The following LDB3 variants were observed in gnomAD, a reference collection of about 807,000 sequenced individuals.
LDB3 encodes the protein LIM domain binding 3, also known as LIM domain-binding protein 3.
In LDB3, 49 loss-of-function variants were observed where a neutral mutation model predicts 69.0. The ratio of observed to expected loss-of-function variants is 0.71; its 90% CI spans 0.56 to 0.90. LDB3 has a LOEUF of 0.90. Ranked by LOEUF, LDB3 falls within the 40% of genes least tolerant of loss-of-function variation. The pLI, the probability that LDB3 is intolerant of heterozygous loss-of-function variation, is 0.00. For missense variants in LDB3, 928 were observed against 974.1 expected, an observed-to-expected ratio of 0.95 and a Z score of 0.63; for synonymous variants, 387 against 396.2, an observed-to-expected ratio of 0.98 and a Z score of 0.28.
At chr10:86,684,514 G>A (rs577807704) in intron 5 of LDB3, among the ~76,000 whole-genome samples, 18 of 152,382 alleles carry the variant, frequency 1.2e-4, no homozygotes, top group Middle Eastern at 3.4e-3. Context: ...ATGGAGCTCC[G>A]TGCTGGCCCT....
chr10:86,684,566 G>A (rs1845356103), intron 5 of LDB3, among the ~76,000 whole-genome samples: 1 of 152,260 alleles, frequency 6.6e-6, no homozygotes, highest in African/African-American at 2.4e-5. Flanking sequence ...GAGCCTGGGA[G>A]GATAGAGGGA....
At chr10:86,671,051 A>AC (rs1274320070) in intron 2 of LDB3, among the ~76,000 whole-genome samples, 3 of 152,022 alleles carry the variant, frequency 2.0e-5, no homozygotes, top group Non-Finnish European at 4.4e-5. Flanking sequence ...CTCTGGAGGA[A>AC]CCCCACTCCC....
At chr10:86,684,909 C>T (rs1381511448) in intron 5 of LDB3, among the ~76,000 whole-genome samples, 3 of 152,216 alleles carry the variant, frequency 2.0e-5, no homozygotes, top group Admixed American at 2.0e-4. Flanking sequence ...AGAGACCATG[C>T]TCTGGGAGGC....
rs369470035 is a variant in LDB3, at chr10:86,685,689, C to G, written c.689+3886C>G. ...CTTTTCCTCCCCAGGTGGTAGTCAA[C>G]TCTCCAGCCAAGTTAGTATCAAAGG... On this transcript the variant is annotated intron_variant, in intron 5 of 13. Coordinates refer to ENST00000361373, the MANE Select transcript of LDB3 (RefSeq NM_007078.3). 1.5e-5 allele frequency: 24 copies of G among 1,614,084 alleles called. No homozygotes were observed. The highest frequency in any genetic ancestry group is 2.0e-5 in the Non-Finnish European group (24 of 1,180,034).
intron 7 of LDB3, among the ~76,000 whole-genome samples, chr10:86,698,097 T>A (rs749012986): frequency 2.6e-5 from 4 of 152,094 alleles, no homozygotes; most frequent in Non-Finnish European, 4.4e-5. Context: ...CCCACCCACC[T>A]CCTTAACCTC....
chr10:86,692,135 G>A lies in LDB3; in HGVS notation c.859+70G>A, dbSNP rs1845795054. ...AGGGGCCACCAGGGACCTGGGCCCA[G>A]CACTGCAGAAGCCAGGGAGTCCTGC... On this transcript the variant is annotated intron_variant, in intron 6 of 13. Coordinates refer to ENST00000361373, the MANE Select transcript of LDB3 (RefSeq NM_007078.3). 1.3e-5 allele frequency: 21 copies of A among 1,566,818 alleles called. No individual in the cohort carries two copies. The East Asian group carries it at 4.8e-4, about 36-fold the overall frequency.
chr10:86,685,236 G>A (rs940012956), intron 5 of LDB3, among the ~76,000 whole-genome samples: 2 of 152,212 alleles, frequency 1.3e-5, no homozygotes, highest in Non-Finnish European at 2.9e-5. Context: ...CCACAAAACA[G>A]ACTCTTAGTC....
chr10:86,704,006 C>T (rs367692569), intron 7 of LDB3, among the ~76,000 whole-genome samples: 3 of 151,970 alleles, frequency 2.0e-5, no homozygotes, highest in East Asian at 1.9e-4. Context: ...CACAGCTACT[C>T]GGGAGGCTGG....
chr10:86,680,491 C>A (rs938979471), intron 4 of LDB3, among the ~76,000 whole-genome samples: 2 of 152,214 alleles, frequency 1.3e-5, no homozygotes, highest in South Asian at 4.1e-4. Context: ...AGGGGACGAG[C>A]GTCCAGGCTC....
At chr10:86,709,184 C>G (rs1368715468) in intron 8 of LDB3, among the ~76,000 whole-genome samples, 23 of 152,214 alleles carry the variant, frequency 1.5e-4, no homozygotes, top group Admixed American at 1.4e-3. Context: ...GTTCTCAGAG[C>G]CTTCAGCTCT....
chr10:86,700,618 C>T (rs1352022938), intron 7 of LDB3, among the ~76,000 whole-genome samples: 1 of 152,180 alleles, frequency 6.6e-6, no homozygotes, highest in African/African-American at 2.4e-5. Flanking sequence ...GGAAGGCTTC[C>T]ACCTGGGTCT....
At chr10:86,701,254 G>C (rs1279649429) in intron 7 of LDB3, among the ~76,000 whole-genome samples, 1 of 152,222 alleles carries the variant, frequency 6.6e-6, no homozygotes, top group East Asian at 1.9e-4. Context: ...CCAAGGGTGG[G>C]TTGGGGGCAG....
At chr10:86,676,391 C>G (rs1345187125) in intron 2 of LDB3, among the ~76,000 whole-genome samples, 1 of 151,944 alleles carries the variant, frequency 6.6e-6, no homozygotes, top group Non-Finnish European at 1.5e-5. Flanking sequence ...GGTAAAACCC[C>G]CTTTCTACTA....
At chr10:86,728,885 A>G (rs1031352216) in intron 13 of LDB3, among the ~76,000 whole-genome samples, 3 of 151,442 alleles carry the variant, frequency 2.0e-5, no homozygotes, top group Admixed American at 6.6e-5. Flanking sequence ...CAGCCGGAAC[A>G]TGGTCTTAAC....
chr10:86,709,838 C>T, intron 8 of LDB3, 67 bp from the exon 9 acceptor site: 1 of 1,580,422 alleles, frequency 6.3e-7, no homozygotes, highest in South Asian at 1.1e-5. Context: ...GGGAGCCAGC[C>T]TGCCTTGACT....
At chr10:86,710,148 G>A (rs1037138576) in intron 9 of LDB3, 98 bp downstream of exon 9, 74 of 1,554,382 alleles carry the variant, frequency 4.8e-5, no homozygotes, top group Non-Finnish European at 6.2e-5. Flanking sequence ...ATCCCCAGAA[G>A]AATGGGAAGC....
intron 2 of LDB3, among the ~76,000 whole-genome samples, chr10:86,676,653 G>A (rs2132349977): frequency 6.6e-6 from 1 of 152,258 alleles, no homozygotes; most frequent in East Asian, 1.9e-4. Context: ...ATTGGAGAGG[G>A]CTGTCCTGGT....
At chr10:86,686,311 G>A (rs887418138) in intron 5 of LDB3, among the ~76,000 whole-genome samples, 1 of 152,188 alleles carries the variant, frequency 6.6e-6, no homozygotes, top group African/African-American at 2.4e-5. Flanking sequence ...AATCCCTGCG[G>A]GTGCCAGTGG....
At chr10:86,718,941 C>A in intron 12 of LDB3, 94 bp downstream of exon 12, 2 of 1,519,578 alleles carry the variant, frequency 1.3e-6, no homozygotes, top group South Asian at 1.2e-5. Flanking sequence ...CATTCACATC[C>A]GACCACCCAG....
Sources: allele counts gnomAD v4.1 joint callset (sites outside exome capture counted in the v4.1 genomes callset), GRCh38; gene constraint gnomAD v4.1.1; transcripts MANE v1.5; gene names NCBI Gene and HGNC (gene_info 2026-07-23, HGNC 2026-07-21).